Variants in NEK2 observed in about 807,000 individuals in gnomAD.
NEK2 encodes serine/threonine-protein kinase Nek2.
NEK2 carries 28 observed loss-of-function variants against 54.1 expected under a neutral mutation model. That is an observed-to-expected ratio of 0.52 (90% CI 0.38 to 0.71). NEK2 has a LOEUF of 0.71. Ranked by LOEUF, NEK2 falls within the 30% of genes least tolerant of loss-of-function variation. The pLI, the probability that NEK2 is intolerant of heterozygous loss-of-function variation, is 0.00. For synonymous variants in NEK2, 176 were observed against 193.1 expected (o/e 0.91, Z 0.73); for missense variants, 407 against 531.5 (o/e 0.77, Z 2.30).
In NEK2 at chr1:211,663,057, G is replaced by A; in HGVS notation, c.*369C>T. ...ATGACAATTGTAAGCATACCACTCA[G>A]TCATTTAAAACTATTCAGTGAGTGC... On this transcript the variant is annotated 3_prime_UTR_variant, in exon 8 of 8. Coordinates refer to ENST00000366999, the MANE Select transcript of NEK2 (RefSeq NM_002497.4). 9.9e-7 allele frequency: 1 copy of A among 1,009,988 alleles called. No homozygotes were observed. Among genetic ancestry groups the A allele is most frequent in the South Asian group, 4.3e-5 (1 of 23,200 alleles). The allele number at this position is 1,009,988 out of a possible 1,614,324, so 62.6% of individuals were successfully genotyped here. A position where few individuals can be genotyped will look rare whatever the true frequency, so the allele number is the denominator to read the frequency against.
downstream of NEK2, among the ~76,000 whole-genome samples, chr1:211,661,509 GCAAATCTTCAAAT>G (rs1655018046): frequency 6.6e-6 from 1 of 152,176 alleles, no homozygotes; most frequent in South Asian, 2.1e-4. Flanking sequence ...GCAAAGTGCA[GCAAATCTTCAAAT>G]AATTGTTTAA....
chr1:211,662,661 A>T (rs1299998018), downstream of NEK2: 1 of 418,074 alleles, frequency 2.4e-6, no homozygotes, highest in Non-Finnish European at 3.2e-6. This position sits in a 1 kb window ranked among gnomAD's most constrained non-coding sequence, Gnocchi z 4.2. Context: ...CTGGAATGCC[A>T]CTCCCTTGAG....
downstream of NEK2, chr1:211,661,070 C>G: frequency 1.3e-6 from 1 of 742,608 alleles, no homozygotes; most frequent in Non-Finnish European, 2.5e-6. Context: ...CACCGTCAAA[C>G]CCCGGTGATA....
At chr1:211,667,642 G>GA (rs1046742096) in intron 6 of NEK2, among the ~76,000 whole-genome samples, 1 of 151,396 alleles carries the variant, frequency 6.6e-6, no homozygotes, top group Admixed American at 6.6e-5. Flanking sequence ...CCAAACAAAA[G>GA]AAAAAAAACA....
At chr1:211,672,304 T>C (rs189184721) in intron 3 of NEK2, among the ~76,000 whole-genome samples, 112 of 152,306 alleles carry the variant, frequency 7.4e-4, no homozygotes, top group Non-Finnish European at 1.3e-3. Context: ...AGCAATTTCA[T>C]TTTATGAGCT....
chr1:211,670,604 G>A (rs1393785746), intron 4 of NEK2, among the ~76,000 whole-genome samples, 197 bp from the exon 5 acceptor site: 1 of 152,138 alleles, frequency 6.6e-6, no homozygotes, highest in East Asian at 1.9e-4. Flanking sequence ...ATTCTTTGTT[G>A]TGGGGGGCTG....
chr1:211,673,122 G>A (rs1207832717), intron 3 of NEK2, among the ~76,000 whole-genome samples: 1 of 151,648 alleles, frequency 6.6e-6, no homozygotes, highest in Non-Finnish European at 1.5e-5. Flanking sequence ...ATTAAAAGAT[G>A]TTTTGGCTGG....
Position 211,673,529 on chromosome 1 carries a change from G to C in NEK2, c.509C>G (p.Thr170Arg), listed in dbSNP as rs759517583. The C allele has an allele frequency of 4.3e-6, 7 of 1,613,940 alleles. No homozygotes were observed. The highest frequency in any genetic ancestry group is 5.9e-6 in the Non-Finnish European group (7 of 1,179,864). Residue 170 changes from threonine (T) to arginine (R), a missense_variant, in exon 3 of 8, where the codon ACG becomes AGG. Thr to Arg is a moderately conservative substitution (Grantham distance 71, BLOSUM62 -1). Transcript: ENST00000366999. ...GCCAACAAATGTTTTTGCAAAACTC[G>C]TGTCATGGTTTAATATTCTAGCTAG... ...FGLARILNHDTSFAKTFVGTP... is the reference protein window; with the variant it reads ...FGLARILNHDRSFAKTFVGTP...
At chr1:211,663,722 AT>A in intron 7 of NEK2, 70 bp from the exon 8 acceptor site, 3 of 1,409,772 alleles carry the variant, frequency 2.1e-6, no homozygotes, top group Non-Finnish European at 2.9e-6. Flanking sequence ...ACTTATACTT[AT>A]CAAAAAGTAT....
chr1:211,667,284 A>G, intron 6 of NEK2, 53 bp from the exon 7 acceptor site: 1 of 1,538,390 alleles, frequency 6.5e-7, no homozygotes, highest in Non-Finnish European at 8.8e-7. Flanking sequence ...ACCTTGACTA[A>G]AAAACAATTT....
intron 7 of NEK2, among the ~76,000 whole-genome samples, chr1:211,665,980 G>A (rs1054727579): frequency 6.6e-5 from 10 of 152,196 alleles, no homozygotes; most frequent in Non-Finnish European, 1.0e-4. Flanking sequence ...AAATTTTATT[G>A]AAAATTCAGA....
chr1:211,665,342 C>T (rs1339512056), intron 7 of NEK2, among the ~76,000 whole-genome samples: 1 of 152,210 alleles, frequency 6.6e-6, no homozygotes, highest in East Asian at 1.9e-4. Flanking sequence ...ATTCCTATGG[C>T]TCATTTTAAA....
intron 3 of NEK2, 41 bp from the exon 4 acceptor site, chr1:211,671,325 AGTTT>A (rs1655384918): frequency 1.4e-6 from 2 of 1,465,500 alleles, no homozygotes; most frequent in Middle Eastern, 1.7e-4. Flanking sequence ...AGGTGTTAAG[AGTTT>A]ATTTTGTTTT....
intron 6 of NEK2, 137 bp downstream of exon 6, chr1:211,668,974 ATT>A (rs1655266831): frequency 1.3e-6 from 1 of 778,354 alleles, no homozygotes; most frequent in Non-Finnish European, 2.1e-6. Context: ...TAAAATACAT[ATT>A]TTGGTTTCTC....
chr1:211,661,149 T>A, downstream of NEK2: 1 of 742,864 alleles, frequency 1.3e-6, no homozygotes, highest in East Asian at 2.6e-5. Flanking sequence ...TGTCTCTGGG[T>A]GCCCCATCTC....
chr1:211,666,415 G>C (rs1262968716), intron 7 of NEK2: 1 of 765,174 alleles, frequency 1.3e-6, no homozygotes, highest in Non-Finnish European at 1.6e-6. Context: ...AATGAGGCAT[G>C]GCAATATTAA....
intron 7 of NEK2, 137 bp downstream of exon 7, chr1:211,666,969 C>T: frequency 1.3e-6 from 2 of 1,497,164 alleles, no homozygotes; most frequent in Non-Finnish European, 1.8e-6. Context: ...CATTGAAATG[C>T]ATATATTCAA....
intron 6 of NEK2, among the ~76,000 whole-genome samples, chr1:211,668,022 G>A (rs1279600007): frequency 2.9e-4 from 44 of 151,772 alleles, no homozygotes; most frequent in Non-Finnish European, 2.9e-5. Context: ...CTTCAGCCTG[G>A]GCAACAAGAG....
At chr1:211,668,151 C>G (rs748834914) in intron 6 of NEK2, among the ~76,000 whole-genome samples, 6 of 152,032 alleles carry the variant, frequency 3.9e-5, no homozygotes, top group Non-Finnish European at 8.8e-5. Context: ...TGTACCTATA[C>G]AGTAAGCATA....
Sources: allele counts gnomAD v4.1 joint callset (sites outside exome capture counted in the v4.1 genomes callset), GRCh38; gene constraint gnomAD v4.1.1; non-coding constraint Gnocchi (gnomAD v3.1); transcripts MANE v1.5; gene names NCBI Gene and HGNC (gene_info 2026-07-23, HGNC 2026-07-21).